The following ANO2 variants were observed in gnomAD, a reference collection of about 807,000 sequenced individuals.
ANO2 encodes the protein anoctamin-2.
ANO2 carries 101 observed loss-of-function variants against 124.2 expected under a neutral mutation model. That is an observed-to-expected ratio of 0.81 (90% CI 0.69 to 0.96). The LOEUF (loss-of-function observed/expected upper bound fraction) is 0.96. Ranked by LOEUF, ANO2 falls within the 40% of genes least tolerant of loss-of-function variation. The probability of loss-of-function intolerance (pLI) is 0.00; values close to 1 mark genes in which losing one functional copy is unlikely to be tolerated. For synonymous variants in ANO2, 486 were observed against 482.5 expected (o/e 1.01, Z -0.09); for missense variants, 1,293 against 1,274.5 (o/e 1.01, Z -0.22).
intron 3 of ANO2, among the ~76,000 whole-genome samples, chr12:5,907,109 AC>A (rs1253018981): frequency 6.6e-6 from 1 of 152,224 alleles, no homozygotes; most frequent in African/African-American, 2.4e-5. Flanking sequence ...TTCCTTCTCA[AC>A]AAAGAGTAAG....
intron 14 of ANO2, among the ~76,000 whole-genome samples, chr12:5,651,754 T>C (rs1946925772): frequency 6.6e-6 from 1 of 152,138 alleles, no homozygotes; most frequent in Admixed American, 6.5e-5. Flanking sequence ...GTCTATCACC[T>C]CCCCCAATCC....
chr12:5,723,006 GT>G (rs1950292857), intron 14 of ANO2, among the ~76,000 whole-genome samples: 1 of 152,212 alleles, frequency 6.6e-6, no homozygotes, highest in Admixed American at 6.5e-5. Flanking sequence ...GCTAAATTCT[GT>G]TTAGAAAGGG....
At chr12:5,625,313 G>T (rs1945341120) in intron 16 of ANO2, among the ~76,000 whole-genome samples, 1 of 151,980 alleles carries the variant, frequency 6.6e-6, no homozygotes, top group African/African-American at 2.4e-5. Context: ...TCAGATCTGG[G>T]ATATGTTTGA....
At chr12:5,714,682 CTCT>C (rs746864480) in intron 14 of ANO2, among the ~76,000 whole-genome samples, 1 of 152,146 alleles carries the variant, frequency 6.6e-6, no homozygotes, top group Non-Finnish European at 1.5e-5. Context: ...CTTCTTCCTC[CTCT>C]TCTTCCCTTT....
intron 14 of ANO2, among the ~76,000 whole-genome samples, chr12:5,702,666 C>T (rs1949453261): frequency 6.6e-6 from 1 of 151,810 alleles, no homozygotes. Flanking sequence ...TTCCAAGATT[C>T]ATGTGGAAAA....
At chr12:5,627,319 G>C (rs563373764) in intron 16 of ANO2, among the ~76,000 whole-genome samples, 1 of 152,248 alleles carries the variant, frequency 6.6e-6, no homozygotes, top group African/African-American at 2.4e-5. Flanking sequence ...CAGAGAGCCG[G>C]GAGCCCCAGA....
chr12:5,849,262 A>G (rs986390521), intron 4 of ANO2, among the ~76,000 whole-genome samples: 2 of 152,238 alleles, frequency 1.3e-5, no homozygotes, highest in African/African-American at 4.8e-5. Context: ...CTGGATTAAT[A>G]TGATTTCACT....
chr12:5,859,329 G>A (rs1020717760), intron 3 of ANO2, among the ~76,000 whole-genome samples: 7 of 152,172 alleles, frequency 4.6e-5, no homozygotes, highest in African/African-American at 1.7e-4. Flanking sequence ...ATATAACAGA[G>A]CAGGAAATGT....
At chr12:5,703,565 C>T (rs1949488160) in intron 14 of ANO2, among the ~76,000 whole-genome samples, 2 of 152,026 alleles carry the variant, frequency 1.3e-5, no homozygotes, top group South Asian at 4.2e-4. Context: ...GAGACAGGGT[C>T]TCACTCTACT....
At chr12:5,802,048 T>C (rs3782655) in intron 9 of ANO2, among the ~76,000 whole-genome samples, 59,615 of 152,002 alleles carry the variant, frequency 0.39, 14,077 homozygotes, top group East Asian at 0.52. Flanking sequence ...CCAGAGCAAA[T>C]TCCTCCCCAA....
chr12:5,780,633 A>G (rs1952361420), intron 10 of ANO2, among the ~76,000 whole-genome samples: 1 of 152,204 alleles, frequency 6.6e-6, no homozygotes, highest in South Asian at 2.1e-4. Context: ...GCATGAAACA[A>G]TTAGTGCAAC....
rs565476787 is a variant in ANO2, at chr12:5,826,489, A to G, written c.892+1280T>C. Among the ~76,000 whole-genome samples, 5 of 149,594 alleles carry G rather than the reference A, an allele frequency of 3.3e-5. No homozygotes were observed. The South Asian group carries it at 1.1e-3, about 32-fold the overall frequency. On this transcript the variant is annotated intron_variant, in intron 7 of 24. Coordinates refer to ENST00000682330, the MANE Select transcript of ANO2 (RefSeq NM_001364791.2). ...ATATATATATATATCCTTGATATGT[A>G]TATATAAAATTTCTCTGTTTTTTAA...
At chr12:5,669,387 T>C (rs1318605550) in intron 14 of ANO2, among the ~76,000 whole-genome samples, 1 of 152,138 alleles carries the variant, frequency 6.6e-6, no homozygotes, top group Non-Finnish European at 1.5e-5. Flanking sequence ...TGCACATTGA[T>C]TGTGTATCCT....
At chr12:5,921,833 G>T (rs575235054) in intron 2 of ANO2, among the ~76,000 whole-genome samples, 1 of 152,020 alleles carries the variant, frequency 6.6e-6, no homozygotes, top group Non-Finnish European at 1.5e-5. Context: ...ACCCGAGTGC[G>T]CTCTAACACA....
At chr12:5,860,864 T>C (rs1279671489) in intron 3 of ANO2, among the ~76,000 whole-genome samples, 1 of 152,152 alleles carries the variant, frequency 6.6e-6, no homozygotes, top group African/African-American at 2.4e-5. Context: ...ATCAGAAACT[T>C]TTCTGCCTCA....
intron 4 of ANO2, among the ~76,000 whole-genome samples, chr12:5,851,103 T>C (rs1407755217): frequency 6.6e-6 from 1 of 152,118 alleles, no homozygotes; most frequent in Non-Finnish European, 1.5e-5. Context: ...AAATGCAAAG[T>C]GGGGAGAGAA....
At chr12:5,617,439 C>T (rs904545386) in intron 16 of ANO2, among the ~76,000 whole-genome samples, 2 of 151,782 alleles carry the variant, frequency 1.3e-5, no homozygotes, top group African/African-American at 4.8e-5. Flanking sequence ...CACACCATAC[C>T]AAACTCTCCA....
At chr12:5,913,699 T>C (rs559273500) in intron 3 of ANO2, among the ~76,000 whole-genome samples, 2 of 152,188 alleles carry the variant, frequency 1.3e-5, no homozygotes, top group Non-Finnish European at 2.9e-5. Context: ...GCCTGTCTCC[T>C]CCAAGATGGG....
intron 14 of ANO2, among the ~76,000 whole-genome samples, chr12:5,722,698 A>G (rs1950280328): frequency 6.6e-6 from 1 of 152,174 alleles, no homozygotes. Context: ...CGATCTGATG[A>G]AATCATTTGT....
Sources: allele counts gnomAD v4.1 joint callset (sites outside exome capture counted in the v4.1 genomes callset), GRCh38; gene constraint gnomAD v4.1.1; transcripts MANE v1.5; gene names NCBI Gene and HGNC (gene_info 2026-07-23, HGNC 2026-07-21).